The following PPP2R2B variants were observed in gnomAD, a reference collection of about 807,000 sequenced individuals.
The protein encoded by PPP2R2B is protein phosphatase 2 regulatory subunit Bbeta, also known as serine/threonine-protein phosphatase 2A 55 kDa regulatory subunit B beta isoform.
Under a neutral mutation model 46.0 loss-of-function variants are expected in PPP2R2B, and 5 were observed. The observed-to-expected ratio is 0.11, with a 90% CI of 0.06 to 0.23. The LOEUF is 0.23. PPP2R2B is among the 10% of genes least tolerant of loss of function. PPP2R2B has a pLI of 1.00. For synonymous variants in PPP2R2B, 215 were observed against 206.7 expected (o/e 1.04, Z -0.34); for missense variants, 367 against 575.0 (o/e 0.64, Z 3.70).
chr5:146,763,625 C>T (rs1294992087), intron 2 of PPP2R2B, among the ~76,000 whole-genome samples: 1 of 152,184 alleles, frequency 6.6e-6, no homozygotes, highest in Non-Finnish European at 1.5e-5. Context: ...ATAAAAGCTA[C>T]AGCAATTTAG....
intron 2 of PPP2R2B, among the ~76,000 whole-genome samples, chr5:146,841,997 T>C (rs1759678746): frequency 6.6e-6 from 1 of 152,208 alleles, no homozygotes; most frequent in Non-Finnish European, 1.5e-5. Context: ...GTACTTAGAC[T>C]GGGCAAACTT....
At chr5:146,818,883 T>C (rs1321164492) in intron 2 of PPP2R2B, among the ~76,000 whole-genome samples, 2 of 152,190 alleles carry the variant, frequency 1.3e-5, no homozygotes, top group South Asian at 2.1e-4. Flanking sequence ...GATGTAAAGA[T>C]AGTGTCTGAA....
At chr5:146,864,392 T>TA (rs1212471999) in intron 2 of PPP2R2B, among the ~76,000 whole-genome samples, 1 of 53,118 alleles carries the variant, frequency 1.9e-5, no homozygotes, top group Non-Finnish European at 3.3e-5. Context: ...CACATAGTAT[T>TA]AACCAAAAAA....
chr5:146,908,567 T>C (rs1582403212), intron 1 of PPP2R2B, among the ~76,000 whole-genome samples: 1 of 151,626 alleles, frequency 6.6e-6, no homozygotes, highest in East Asian at 2.0e-4. Flanking sequence ...AAACAATTAC[T>C]GAGACACTAA....
intron 1 of PPP2R2B, among the ~76,000 whole-genome samples, chr5:146,960,922 A>G (rs1377775363): frequency 5.9e-5 from 9 of 152,168 alleles, no homozygotes; most frequent in Admixed American, 5.9e-4. Context: ...CCTATTGTAA[A>G]ATTCCAGGAA....
chr5:146,593,119 G>A, intron 8 of PPP2R2B, 57 bp from the exon 9 acceptor site: 3 of 1,334,814 alleles, frequency 2.2e-6, no homozygotes, highest in Non-Finnish European at 3.2e-6. Flanking sequence ...AATTATTTCT[G>A]CAAACACCTC....
At chr5:146,974,776 G>A (rs781315848) in intron 1 of PPP2R2B, among the ~76,000 whole-genome samples, 12 of 149,142 alleles carry the variant, frequency 8.0e-5, no homozygotes, top group South Asian at 2.1e-4. Context: ...TGCAAGCTCC[G>A]CCTACGGGTT....
At chr5:146,712,276 A>T (rs1780253769) in intron 2 of PPP2R2B, among the ~76,000 whole-genome samples, 1 of 152,184 alleles carries the variant, frequency 6.6e-6, no homozygotes, top group Non-Finnish European at 1.5e-5. Flanking sequence ...GTTTCTGGCT[A>T]GGAGTTGTGG....
chr5:146,596,369 T>A (rs543125574), intron 8 of PPP2R2B, among the ~76,000 whole-genome samples: 72 of 152,278 alleles, frequency 4.7e-4, no homozygotes, highest in African/African-American at 1.6e-3. Flanking sequence ...TATTAACTGA[T>A]CTTTCATTAA....
intron 1 of PPP2R2B, among the ~76,000 whole-genome samples, chr5:146,971,967 C>A (rs1298875863): frequency 6.6e-6 from 1 of 152,144 alleles, no homozygotes. Flanking sequence ...ATTACTATTA[C>A]CTAAACTTCA....
At chr5:146,766,613 G>A (rs903700465) in intron 2 of PPP2R2B, among the ~76,000 whole-genome samples, 1 of 152,184 alleles carries the variant, frequency 6.6e-6, no homozygotes, top group African/African-American at 2.4e-5. Context: ...TACTTCATGA[G>A]GTGATTTCTA....
chr5:146,616,877 C>A (rs1400268498), intron 7 of PPP2R2B: 1 of 152,188 alleles, frequency 6.6e-6, no homozygotes, highest in Non-Finnish European at 1.5e-5. Context: ...TATGTATATA[C>A]CCCAAACAAA....
intron 7 of PPP2R2B, among the ~76,000 whole-genome samples, chr5:146,634,664 A>T (rs1774683126): frequency 6.6e-6 from 1 of 151,734 alleles, no homozygotes; most frequent in Non-Finnish European, 1.5e-5. Context: ...GAACACCACC[A>T]TCGGCTCTCC....
intron 2 of PPP2R2B, among the ~76,000 whole-genome samples, chr5:147,075,676 C>T (rs1341064139): frequency 6.6e-6 from 1 of 152,142 alleles, no homozygotes; most frequent in African/African-American, 2.4e-5. Context: ...TGTCCACCAA[C>T]CACCCAATTG....
chr5:146,796,721 T>C (rs1457186616), intron 2 of PPP2R2B, among the ~76,000 whole-genome samples: 1 of 152,202 alleles, frequency 6.6e-6, no homozygotes, highest in East Asian at 1.9e-4. Context: ...AAGCCAAATT[T>C]AGGAAGTCTC....
chr5:146,938,353 T>C (rs975949245), intron 1 of PPP2R2B, among the ~76,000 whole-genome samples: 11 of 152,198 alleles, frequency 7.2e-5, no homozygotes, highest in African/African-American at 2.4e-4. Context: ...AATGTACTGA[T>C]TCCCTGGTTG....
intron 2 of PPP2R2B, among the ~76,000 whole-genome samples, chr5:146,842,027 A>T (rs1340928615): frequency 6.6e-6 from 1 of 152,212 alleles, no homozygotes; most frequent in Non-Finnish European, 1.5e-5. Flanking sequence ...GTACTCTGAG[A>T]CAGGGATTCA....
At chr5:146,880,741 T>C (rs1317465676), upstream of PPP2R2B, among the ~76,000 whole-genome samples, 1 of 152,150 alleles carries the variant, frequency 6.6e-6, no homozygotes, top group Non-Finnish European at 1.5e-5. Flanking sequence ...ATGGGGAGAA[T>C]GTCCCTTCCA....
At chr5:146,829,781 C>T (rs561837196) in intron 2 of PPP2R2B, among the ~76,000 whole-genome samples, 1 of 152,128 alleles carries the variant, frequency 6.6e-6, no homozygotes, top group East Asian at 1.9e-4. Context: ...ACGTAACTAC[C>T]CCTACTTTGT....
Sources: gnomAD v4.1 joint callset for allele counts (sites outside exome capture counted in the v4.1 genomes callset) on GRCh38, gnomAD v4.1.1 for gene constraint, MANE v1.5 for transcripts, NCBI Gene and HGNC (gene_info 2026-07-23, HGNC 2026-07-21) for gene names.